Variants in HSPG2 observed in about 807,000 individuals in gnomAD.
The protein encoded by HSPG2 is heparan sulfate proteoglycan 2, also known as basement membrane-specific heparan sulfate proteoglycan core protein.
Under a neutral mutation model 526.6 loss-of-function variants are expected in HSPG2, and 278 were observed. The observed-to-expected ratio is 0.53, with a 90% CI of 0.48 to 0.58. The LOEUF (loss-of-function observed/expected upper bound fraction) is 0.58. Among genes scored for constraint, HSPG2 ranks in the 20% least tolerant of loss-of-function variants. HSPG2 has a pLI of 0.00. For synonymous variants in HSPG2, 2,465 were observed against 2,555.4 expected (o/e 0.96, Z 1.07); for missense variants, 5,354 against 6,099.5 (o/e 0.88, Z 4.07).
intron 46 of HSPG2, 28 bp downstream of exon 46, chr1:21,855,495 G>T: frequency 6.2e-7 from 1 of 1,611,562 alleles, no homozygotes. Context: ...GCACACTCCC[G>T]GCCCCCACCC....
rs762634208 is a variant in HSPG2 at position 21,823,723 on chromosome 1, C to T, written c.12900-4G>A. The T allele has an allele frequency of 1.2e-6, 2 of 1,612,020 alleles. No individual in the cohort carries two copies. The highest frequency in any genetic ancestry group is 1.7e-6 in the Non-Finnish European group (2 of 1,178,918). On this transcript the variant is annotated splice_polypyrimidine_tract_variant and splice_region_variant and intron_variant, in intron 95 of 96. Coordinates refer to ENST00000374695, the MANE Select transcript of HSPG2 (RefSeq NM_005529.7). ...GATGGAACCTCTGCGGCCCTCCCTG[C>T]AGTGGAACTGGGTCAGGCCCCTTTC...
Position 21,828,236 on chromosome 1 carries a change from C to T in HSPG2, c.12409+19G>A. 6.2e-7 allele frequency: 1 copy of T among 1,613,396 alleles called. No homozygotes were observed. The highest frequency in any genetic ancestry group is 8.5e-7 in the Non-Finnish European group (1 of 1,180,022). ...CACCTGTGCCCCTCCCCTCCGGTGC[C>T]CTGGGCAGGCTTTCCCACCTTTGAA... is the stretch of plus-strand genomic sequence containing the variant. On this transcript the variant is annotated intron_variant, in intron 89 of 96. Transcript: ENST00000374695. This position sits in a 1 kb window ranked among gnomAD's most constrained non-coding sequence, Gnocchi z 6.0.
intron 1 of HSPG2, among the ~76,000 whole-genome samples, chr1:21,927,911 G>C (rs780962761): frequency 1.3e-5 from 2 of 152,242 alleles, no homozygotes; most frequent in Non-Finnish European, 2.9e-5. Flanking sequence ...CTGGGTCATA[G>C]AGAAGGCGTG....
At chr1:21,851,763 C>T (rs1363108247) in intron 54 of HSPG2, 28 bp downstream of exon 54, 1 of 1,613,998 alleles carries the variant, frequency 6.2e-7, no homozygotes, top group African/African-American at 1.3e-5. Flanking sequence ...TTCTCTGCAT[C>T]CCAGCCCAGC....
Position 21,836,791 on chromosome 1 carries a change from G to T in HSPG2, c.10355+11C>A. 6.5e-7 allele frequency: 1 copy of T among 1,547,112 alleles called. No homozygotes were observed. Among genetic ancestry groups the T allele is most frequent in the Non-Finnish European group, 8.7e-7 (1 of 1,150,678 alleles). On this transcript the variant is annotated intron_variant, in intron 75 of 96. Transcript: ENST00000374695. ...CTGCCCAAGTCCAGTCCTGCCCCCG[G>T]CCCCACTCACCGGAGCACCCCATCC...
chr1:21,853,218 A>C (rs1452023559), intron 50 of HSPG2, 148 bp from the exon 51 acceptor site: 11 of 1,089,222 alleles, frequency 1.0e-5, no homozygotes, highest in Admixed American at 5.1e-5. Flanking sequence ...TTCTGCCTCC[A>C]CATGGCCAGC....
Position 21,872,763 on chromosome 1 carries a change from G to A in HSPG2, c.3889-3C>T. ...CAAGTGAGGCCTTCCACCTGGGCCT[G>A]GGTAGACGGATGGAAGGAGGCAGGC... On this transcript the variant is annotated splice_polypyrimidine_tract_variant and splice_region_variant and intron_variant, in intron 31 of 96. Coordinates refer to ENST00000374695, the MANE Select transcript of HSPG2 (RefSeq NM_005529.7). This position sits in a 1 kb window ranked among gnomAD's most constrained non-coding sequence, Gnocchi z 5.5. 5 of 1,607,712 alleles carry A rather than the reference G, an allele frequency of 3.1e-6. No individual in the cohort carries two copies. Among genetic ancestry groups the A allele is most frequent in the Non-Finnish European group, 4.2e-6 (5 of 1,177,900 alleles).
At chr1:21,855,225 G>A (rs896673023) in intron 47 of HSPG2, 79 bp downstream of exon 47, 184 of 1,516,604 alleles carry the variant, frequency 1.2e-4, no homozygotes, top group Admixed American at 1.6e-4. Context: ...GGGGTGGGGC[G>A]TGAAGGGGGA....
Position 21,839,753 on chromosome 1 carries a change from A to G in HSPG2, c.9709+69T>C. 5 of 1,534,184 alleles carry G rather than the reference A, an allele frequency of 3.3e-6. No homozygotes were observed. The South Asian group carries it at 4.5e-5, about 14-fold the overall frequency. On this transcript the variant is annotated intron_variant, in intron 72 of 96. Transcript: ENST00000374695. The surrounding 1 kb of genome is among the most constrained non-coding windows in gnomAD (Gnocchi z 4.5). The stretch of plus-strand genomic sequence containing the variant: ...GGGCATGACATCATCTCTAGATCAC[A>G]TGTGTCTACATTTCAGACCCCAGGG...
intron 13 of HSPG2, 137 bp downstream of exon 13, chr1:21,884,391 G>A: frequency 2.5e-6 from 3 of 1,214,042 alleles, no homozygotes; most frequent in Non-Finnish European, 3.6e-6. Flanking sequence ...TTTTTTGACA[G>A]GGCTCAGTGT....
Position 21,884,921 on chromosome 1 carries a change from G to A in HSPG2, c.1356-3C>T. 6.2e-7 allele frequency: 1 copy of A among 1,614,006 alleles called. No individual in the cohort carries two copies. Among genetic ancestry groups the A allele is most frequent in the Non-Finnish European group, 8.5e-7 (1 of 1,180,018 alleles). On this transcript the variant is annotated splice_region_variant and splice_polypyrimidine_tract_variant and intron_variant, in intron 11 of 96. Transcript: ENST00000374695. Reference sequence around the variant, plus strand: ...CACCCTCGCTGGTCACTGTCACCCTGGTGAGCCCCAAGACAAGTGGTAGGA... The same window carrying A: ...CACCCTCGCTGGTCACTGTCACCCTAGTGAGCCCCAAGACAAGTGGTAGGA...
chr1:21,835,139 C>T (rs1003210647), intron 76 of HSPG2, 194 bp from the exon 77 acceptor site: 2 of 679,516 alleles, frequency 2.9e-6, no homozygotes, highest in Non-Finnish European at 5.1e-6. Flanking sequence ...CACGTGTCCA[C>T]TTCTTTTTTT....
In HSPG2 at chr1:21,895,221, C is replaced by A. The variant is rs1642663060; in HGVS notation, c.244+701G>T. 6.6e-6 allele frequency among the ~76,000 whole-genome samples: 1 copy of A among 152,176 alleles called. No homozygotes were observed. Among genetic ancestry groups the A allele is most frequent in the South Asian group, 2.1e-4 (1 of 4,830 alleles). On this transcript the variant is annotated intron_variant, in intron 3 of 96. Transcript: ENST00000374695. The surrounding 1 kb of genome is among the most constrained non-coding windows in gnomAD (Gnocchi z 4.1). ...CCCAGGAGCTGCCTCCCAGAGAGGG[C>A]AGTAGGAACCATAAAGAGCCACAGG...
intron 67 of HSPG2, 84 bp from the exon 68 acceptor site, chr1:21,842,464 A>C: frequency 7.0e-7 from 1 of 1,435,512 alleles, no homozygotes; most frequent in Non-Finnish European, 9.2e-7. Context: ...CCGGTACCCA[A>C]GAGTTCTCTC....
At chr1:21,925,499 A>G (rs1209583597) in intron 1 of HSPG2, among the ~76,000 whole-genome samples, 1 of 152,210 alleles carries the variant, frequency 6.6e-6, no homozygotes, top group Non-Finnish European at 1.5e-5. Flanking sequence ...CAGGCCCCAC[A>G]GGGAGCTTGG....
rs748124152 is a variant in HSPG2 at position 21,833,873 on chromosome 1, T to C, written c.10773A>G (p.Ala3591=). Reference sequence around the variant, plus strand: ...CTGAGGCTATGCAGGGGAAGACAGCTGCAGAACCAGCAGGCACACGGACTT... The same window carrying C: ...CTGAGGCTATGCAGGGGAAGACAGCCGCAGAACCAGCAGGCACACGGACTT... ...PQEVRVPAGS[A]AVFPCIASGY... is the part of the protein sequence containing the mutation. Residue 3591 remains alanine, a synonymous_variant, in exon 78 of 97, where the codon GCA becomes GCG. Coordinates refer to ENST00000374695, the MANE Select transcript of HSPG2 (RefSeq NM_005529.7). The C allele has an allele frequency of 1.2e-6, 2 of 1,604,182 alleles. No individual in the cohort carries two copies. The highest frequency in any genetic ancestry group is 1.7e-6 in the Non-Finnish European group (2 of 1,175,280).
In HSPG2 at chr1:21,876,266, T is replaced by A. The variant is rs565853695; in HGVS notation, c.2966A>T (p.Tyr989Phe). ...GAAGCGTGAAGGGAGGCTCCAGAAG[T>A]AGGGTCCAGATAAGAGTCTGTGGAA... is the stretch of plus-strand genomic sequence containing the variant. ...SSFHRLLSGPYFWSLPSRFLG... is the reference protein window; with the variant it reads ...SSFHRLLSGPFFWSLPSRFLG... The change falls in exon 23 of 97, where the codon TAC (tyrosine) becomes TTC (phenylalanine). Residue 989 changes from tyrosine to phenylalanine, a missense_variant. Coordinates refer to ENST00000374695, the MANE Select transcript of HSPG2 (RefSeq NM_005529.7). 2 of 1,613,336 alleles carry A rather than the reference T, an allele frequency of 1.2e-6. No individual in the cohort carries two copies. The highest frequency in any genetic ancestry group is 2.2e-5 in the East Asian group (1 of 44,844).
chr1:21,865,415 T>TGCCA lies in HSPG2; in HGVS notation c.4315-54_4315-51dup. The TGCCA allele has an allele frequency of 1.3e-6, 2 of 1,532,010 alleles. No homozygotes were observed. The highest frequency in any genetic ancestry group is 1.8e-6 in the Non-Finnish European group (2 of 1,106,254). The allele number at this position is 1,532,010 out of a possible 1,614,324, so 94.9% of individuals were successfully genotyped here. On this transcript the variant is annotated intron_variant, in intron 34 of 96. Coordinates refer to ENST00000374695, the MANE Select transcript of HSPG2 (RefSeq NM_005529.7). The surrounding 1 kb of genome is among the most constrained non-coding windows in gnomAD (Gnocchi z 5.4). ...AAGGGGAGCCGAGGGGTCCCTGGGG[T>TGCCA]GCCAGGGTGTCCTCCACCAGTCCTA...
intron 1 of HSPG2, among the ~76,000 whole-genome samples, chr1:21,905,093 C>T (rs891105269): frequency 3.3e-5 from 5 of 152,050 alleles, no homozygotes; most frequent in Non-Finnish European, 7.4e-5. Flanking sequence ...CCTGACTCAC[C>T]AACGGGTGAG....
Sources: allele counts gnomAD v4.1 joint callset (sites outside exome capture counted in the v4.1 genomes callset), GRCh38; gene constraint gnomAD v4.1.1; non-coding constraint Gnocchi (gnomAD v3.1); transcripts MANE v1.5; gene names NCBI Gene and HGNC (gene_info 2026-07-23, HGNC 2026-07-21).